GLYR1: variants seen among roughly 807,000 people sequenced by gnomAD.
GLYR1 encodes cytokine-like nuclear factor N-PAC.
Under a neutral mutation model 72.7 loss-of-function variants are expected in GLYR1, and 21 were observed. The ratio of observed to expected loss-of-function variants is 0.29; its 90% CI spans 0.20 to 0.42. GLYR1 has a LOEUF of 0.42. Among genes scored for constraint, GLYR1 ranks in the 10% least tolerant of loss-of-function variants. The pLI is 1.00. For synonymous variants in GLYR1, 392 were observed against 270.2 expected (o/e 1.45, Z -4.42); for missense variants, 594 against 712.1 (o/e 0.83, Z 1.89).
chr16:4,812,311 C>G (rs2083363698), intron 12 of GLYR1, 63 bp from the exon 13 acceptor site: 18 of 1,548,674 alleles, frequency 1.2e-5, no homozygotes, highest in South Asian at 8.5e-5. Context: ...GGGCAGGACT[C>G]AAGGAGTGTT....
chr16:4,819,168 T>G (rs1231455580), intron 9 of GLYR1, among the ~76,000 whole-genome samples: 4 of 151,582 alleles, frequency 2.6e-5, no homozygotes, highest in African/African-American at 9.8e-5. Flanking sequence ...GTTTTTAATT[T>G]TTATTTATTT....
At chr16:4,805,425 G>C in intron 15 of GLYR1, 115 bp from the exon 16 acceptor site, 2 of 826,660 alleles carry the variant, frequency 2.4e-6, no homozygotes, top group Non-Finnish European at 4.1e-6. Context: ...AGCCCAGGCT[G>C]TCCGGTTAGG....
chr16:4,835,887 T>A (rs2085098150), intron 3 of GLYR1, among the ~76,000 whole-genome samples: 1 of 152,206 alleles, frequency 6.6e-6, no homozygotes, highest in Non-Finnish European at 1.5e-5. Flanking sequence ...GATTACCTCT[T>A]GAAAGCAAAC....
intron 3 of GLYR1, among the ~76,000 whole-genome samples, chr16:4,841,336 C>CG (rs2142044635): frequency 6.6e-6 from 1 of 151,428 alleles, no homozygotes; most frequent in East Asian, 1.9e-4. Context: ...AAAAAAAAAT[C>CG]GGGGCTCGGC....
At chr16:4,811,118 A>G in intron 15 of GLYR1, 52 bp downstream of exon 15, 2 of 1,559,120 alleles carry the variant, frequency 1.3e-6, no homozygotes, top group South Asian at 1.2e-5. Context: ...AAAAAAAAAA[A>G]GAAAGAAAAA....
At position 4,805,059 on chromosome 16, in the gene GLYR1, C is replaced by A. The variant is rs2082890674; in HGVS notation, c.*177G>T. 3.2e-6 allele frequency: 2 copies of A among 625,814 alleles called. No individual in the cohort carries two copies. Among genetic ancestry groups the A allele is most frequent in the Non-Finnish European group, 5.8e-6 (2 of 347,354 alleles). 38.8% of individuals were successfully genotyped at this position (625,814 alleles called of 1,614,324 possible). Reference sequence around the variant, plus strand: ...CCTGCTGACACTTGTCCCCTCCCCACCGGCCTCAGGGGAAGGGTGCTGCTG... The same window carrying A: ...CCTGCTGACACTTGTCCCCTCCCCAACGGCCTCAGGGGAAGGGTGCTGCTG... On this transcript the variant is annotated 3_prime_UTR_variant, in exon 16 of 16. Coordinates refer to ENST00000321919, the MANE Select transcript of GLYR1 (RefSeq NM_032569.4).
At chr16:4,809,192 T>TG (rs1948408070) in intron 15 of GLYR1, among the ~76,000 whole-genome samples, 1 of 140,508 alleles carries the variant, frequency 7.1e-6, no homozygotes, top group African/African-American at 2.6e-5. Context: ...GCTTTCGTTT[T>TG]TTTTTTTTTT....
chr16:4,826,183 G>C (rs1398242159), intron 5 of GLYR1, among the ~76,000 whole-genome samples: 2 of 152,084 alleles, frequency 1.3e-5, no homozygotes, highest in African/African-American at 4.8e-5. Flanking sequence ...GGGTAGCTGG[G>C]ACTACAGGTG....
chr16:4,832,756 G>T lies in GLYR1; in HGVS notation c.294+18C>A. 6.3e-7 allele frequency: 1 copy of T among 1,595,960 alleles called. No individual in the cohort carries two copies. The highest frequency in any genetic ancestry group is 1.1e-5 in the South Asian group (1 of 87,924). On this transcript the variant is annotated intron_variant, in intron 4 of 15. Coordinates refer to ENST00000321919, the MANE Select transcript of GLYR1 (RefSeq NM_032569.4). ...CACCAGTCTGGCATTGGTAGAAAGT[G>T]AACATTGTGTCTCTCACCTGGTCTT...
At chr16:4,814,470 G>A (rs1339981777) in intron 11 of GLYR1, 67 bp downstream of exon 11, 1 of 1,189,906 alleles carries the variant, frequency 8.4e-7, no homozygotes, top group South Asian at 1.2e-5. Context: ...AGGGGAGGAG[G>A]GGAAGAGGCC....
chr16:4,836,537 T>C (rs1466409794), intron 3 of GLYR1, among the ~76,000 whole-genome samples: 1 of 152,154 alleles, frequency 6.6e-6, no homozygotes, highest in South Asian at 2.1e-4. Context: ...ATTGTGATAG[T>C]AAATAGCTGA....
Position 4,804,774 on chromosome 16 carries a change from T to A in GLYR1, c.*462A>T, listed in dbSNP as rs1596288298. 2 of 189,638 alleles carry A rather than the reference T, an allele frequency of 1.1e-5. No homozygotes were observed. Among genetic ancestry groups the A allele is most frequent in the South Asian group, 2.2e-4 (2 of 9,092 alleles). The allele number at this position is 189,638 out of a possible 1,614,324, so 11.7% of individuals were successfully genotyped here. A position where few individuals can be genotyped will look rare whatever the true frequency, so the allele number is the denominator to read the frequency against. ...GGGAATCCAGTGGGGGATGGGGACATGACTACAGCCTCTTCGCTCTGGGGG... is the reference window on the plus strand; with the variant it reads ...GGGAATCCAGTGGGGGATGGGGACAAGACTACAGCCTCTTCGCTCTGGGGG... On this transcript the variant is annotated 3_prime_UTR_variant, in exon 16 of 16. Transcript: ENST00000321919.
intron 11 of GLYR1, 37 bp downstream of exon 11, chr16:4,814,500 G>A (rs1479145212): frequency 6.7e-7 from 1 of 1,496,994 alleles, no homozygotes. Context: ...TCCTGGCTGT[G>A]ACCCGGAGTT....
chr16:4,820,489 T>A (rs1169602978), intron 9 of GLYR1, among the ~76,000 whole-genome samples: 1 of 152,178 alleles, frequency 6.6e-6, no homozygotes, highest in African/African-American at 2.4e-5. Flanking sequence ...CCTCACCCTA[T>A]CCTGATCATT....
chr16:4,813,972 A>AATG (rs1314920275), intron 11 of GLYR1, 134 bp from the exon 12 acceptor site: 3 of 625,546 alleles, frequency 4.8e-6, no homozygotes, highest in Non-Finnish European at 8.0e-6. Flanking sequence ...AGGGAAGAAC[A>AATG]ATGAAATAAG....
Position 4,818,721 on chromosome 16 carries a change from A to T in GLYR1, c.807-1024T>A, listed in dbSNP as rs1185013279. Among the ~76,000 whole-genome samples, 5 of 151,740 alleles carry T rather than the reference A, an allele frequency of 3.3e-5. No homozygotes were observed. In the East Asian group the frequency reaches 9.7e-4, roughly 29 times the overall value. On this transcript the variant is annotated intron_variant, in intron 9 of 15. Coordinates refer to ENST00000321919, the MANE Select transcript of GLYR1 (RefSeq NM_032569.4). Reference sequence around the variant, plus strand: ...TTCCCAACTTCAATTCTCTACCCACACCCTACCTTTCCCGTCTTCCCGTTA... The same window carrying T: ...TTCCCAACTTCAATTCTCTACCCACTCCCTACCTTTCCCGTCTTCCCGTTA...
At chr16:4,847,032 G>C in intron 1 of GLYR1, 196 bp downstream of exon 1, 1 of 570,824 alleles carries the variant, frequency 1.8e-6, no homozygotes, top group Non-Finnish European at 3.1e-6. Flanking sequence ...GCCCGACGTG[G>C]CCACCCTCGG....
chr16:4,843,705 G>C lies in GLYR1; in HGVS notation c.155+1369C>G, dbSNP rs569293876. The stretch of plus-strand genomic sequence containing the variant: ...CTTTCTAAGTAGAAATACTTTAACC[G>C]TCAGAATTAGATTTACCAGAGAAGC... On this transcript the variant is annotated intron_variant, in intron 3 of 15. Coordinates refer to ENST00000321919, the MANE Select transcript of GLYR1 (RefSeq NM_032569.4). The C allele has an allele frequency of 1.1e-5, 13 of 1,167,160 alleles. No homozygotes were observed. The South Asian group carries it at 1.6e-4, about 14-fold the overall frequency. The allele number at this position is 1,167,160 out of a possible 1,614,324, so 72.3% of individuals were successfully genotyped here.
At chr16:4,834,529 C>T (rs1448406259) in intron 3 of GLYR1, among the ~76,000 whole-genome samples, 1 of 151,488 alleles carries the variant, frequency 6.6e-6, no homozygotes, top group African/African-American at 2.4e-5. Flanking sequence ...GTGGCACGAT[C>T]TTAGCTAACT....
Sources: gnomAD v4.1 joint callset for allele counts (sites outside exome capture counted in the v4.1 genomes callset) on GRCh38, gnomAD v4.1.1 for gene constraint, MANE v1.5 for transcripts, NCBI Gene and HGNC (gene_info 2026-07-23, HGNC 2026-07-21) for gene names.